Variants in RAB20 observed in about 807,000 individuals in gnomAD.
RAB20 encodes RAB20, member RAS oncogene family.
Under a neutral mutation model 3.7 loss-of-function variants are expected in RAB20, and 2 were observed. The observed-to-expected ratio is 0.54, with a 90% confidence interval of 0.22 to 1.69. RAB20 has a LOEUF of 1.69. RAB20 is among the 40% of genes most tolerant of loss of function. The probability of loss-of-function intolerance (pLI) is 0.19; values close to 1 mark genes in which losing one functional copy is unlikely to be tolerated. For missense variants in RAB20, 276 were observed against 311.9 expected (o/e 0.88, Z 0.87); for synonymous variants, 126 against 130.8 (o/e 0.96, Z 0.25).
intron 1 of RAB20, among the ~76,000 whole-genome samples, chr13:110,546,710 G>GT (rs962925227): frequency 3.5e-5 from 5 of 141,552 alleles, no homozygotes; most frequent in African/African-American, 1.0e-4. Flanking sequence ...GTTTTTTTTT[G>GT]TTTTTTGGGT....
At chr13:110,551,351 C>T (rs1315620164) in intron 1 of RAB20, among the ~76,000 whole-genome samples, 1 of 152,152 alleles carries the variant, frequency 6.6e-6, no homozygotes, top group Admixed American at 6.5e-5. Flanking sequence ...TGGGCATGGC[C>T]AGAGACGCTG....
chr13:110,524,253 A>C (rs1483958116), intron 1 of RAB20, 56 bp from the exon 2 acceptor site: 351 of 1,510,582 alleles, frequency 2.3e-4, no homozygotes, highest in Admixed American at 8.5e-4. Flanking sequence ...GAACATAGCC[A>C]CCAGCCACAC....
Position 110,524,085 on chromosome 13 carries a change from G to T in RAB20, c.285C>A (p.Phe95Leu). The change falls in exon 2 of 2, where the codon TTC becomes TTA. Residue 95 changes from phenylalanine to leucine, a missense_variant. Transcript: ENST00000267328. ...RQSLVELEDR[F>L]LGLTDTASKD... ...TGCTGGCTGTGTCTGTCAGGCCCAG[G>T]AACCGGTCCTCCAGCTCCACCAGGC... 1 of 1,613,716 alleles carries T rather than the reference G, an allele frequency of 6.2e-7. No individual in the cohort carries two copies. The highest frequency in any genetic ancestry group is 8.5e-7 in the Non-Finnish European group (1 of 1,180,030).
chr13:110,560,602 G>A (rs936767171), intron 1 of RAB20, among the ~76,000 whole-genome samples: 8 of 152,112 alleles, frequency 5.3e-5, no homozygotes, highest in Admixed American at 4.6e-4. Context: ...TTTGTAAGGA[G>A]AAGGAAATAT....
chr13:110,543,048 T>C (rs577920709), intron 1 of RAB20, among the ~76,000 whole-genome samples: 1 of 152,346 alleles, frequency 6.6e-6, no homozygotes, highest in Admixed American at 6.5e-5. Flanking sequence ...ATTAGTCATA[T>C]TGAACATTTT....
chr13:110,561,272 G>A, intron 1 of RAB20, 76 bp downstream of exon 1: 1 of 1,448,074 alleles, frequency 6.9e-7, no homozygotes, highest in South Asian at 1.4e-5. Flanking sequence ...GCGGCCGGGT[G>A]CCCTGCTGGA....
rs761987176 is a variant in RAB20 at position 110,524,181 on chromosome 13, G to A, written c.189C>T (p.His63=). Residue 63 remains histidine, a synonymous_variant, in exon 2 of 2, where the codon CAC becomes CAT. Transcript: ENST00000267328. ...CCCGGCAGTACATGGAGCCCAGGCC[G>A]TGGAACTGCTCCCGCCCTGGTGGGA... ...IWDTAGREQF[H]GLGSMYCRGA... 56 of 1,595,492 alleles carry A rather than the reference G, an allele frequency of 3.5e-5. No individual in the cohort carries two copies. The South Asian group carries it at 4.4e-4, about 13-fold the overall frequency.
chr13:110,538,334 G>A (rs954285311), intron 1 of RAB20, among the ~76,000 whole-genome samples: 9 of 151,626 alleles, frequency 5.9e-5, no homozygotes, highest in African/African-American at 1.5e-4. Flanking sequence ...GGCCAGGCAC[G>A]GTGGCTCATG....
chr13:110,528,144 C>T (rs1047584438), intron 1 of RAB20, among the ~76,000 whole-genome samples: 5 of 151,524 alleles, frequency 3.3e-5, no homozygotes, highest in African/African-American at 1.2e-4. Context: ...AGAAAAAGGC[C>T]GGAGACTCAT....
chr13:110,546,271 A>C (rs1884847803), intron 1 of RAB20, among the ~76,000 whole-genome samples: 1 of 152,196 alleles, frequency 6.6e-6, no homozygotes, highest in African/African-American at 2.4e-5. Flanking sequence ...AATAAGGTTT[A>C]TTACTACAGT....
intron 1 of RAB20, 105 bp downstream of exon 1, chr13:110,561,243 C>T (rs1885123666): frequency 2.2e-6 from 3 of 1,369,702 alleles, no homozygotes; most frequent in Admixed American, 3.2e-5. Context: ...ATTTGCTGTC[C>T]GAGGCCGGGA....
chr13:110,552,133 C>T (rs2139588920), intron 1 of RAB20, among the ~76,000 whole-genome samples: 1 of 152,092 alleles, frequency 6.6e-6, no homozygotes, highest in South Asian at 2.1e-4. Context: ...AATCCCAACA[C>T]TTTGGGAGGC....
chr13:110,542,849 G>A lies in RAB20; in HGVS notation c.172+18499C>T, dbSNP rs145394850. 3.8e-4 allele frequency among the ~76,000 whole-genome samples: 58 copies of A among 152,292 alleles called. 1 individual carries two copies. The East Asian group carries it at 0.011, about 28-fold the overall frequency. On this transcript the variant is annotated intron_variant, in intron 1 of 1. Transcript: ENST00000267328. Reference sequence around the variant, plus strand: ...TGGGACTGCTGGATCATTTGTTCTAGTTTTAATTTTTTGAGGAACCATCAT... The same window carrying A: ...TGGGACTGCTGGATCATTTGTTCTAATTTTAATTTTTTGAGGAACCATCAT...
intron 1 of RAB20, among the ~76,000 whole-genome samples, chr13:110,547,698 G>A (rs1393218974): frequency 6.6e-6 from 1 of 152,196 alleles, no homozygotes; most frequent in Non-Finnish European, 1.5e-5. Context: ...TACGGTGCCA[G>A]AGAGGATTAA....
chr13:110,538,623 GAAAAGA>G (rs1884697509), intron 1 of RAB20, among the ~76,000 whole-genome samples: 4 of 62,630 alleles, frequency 6.4e-5, no homozygotes, highest in Admixed American at 1.3e-4. Flanking sequence ...AAAAAAGAAA[GAAAAGA>G]AAAGAAAAGA....
intron 1 of RAB20, among the ~76,000 whole-genome samples, chr13:110,528,413 CA>C (rs11386477): frequency 2.5e-4 from 30 of 122,416 alleles, no homozygotes; most frequent in Middle Eastern, 4.5e-3. Flanking sequence ...AACTCCATCT[CA>C]AAAAAAAAAA....
At chr13:110,529,734 T>C (rs1348161862) in intron 1 of RAB20, among the ~76,000 whole-genome samples, 2 of 152,078 alleles carry the variant, frequency 1.3e-5, no homozygotes, top group Non-Finnish European at 2.9e-5. Flanking sequence ...GGTTCAAGCC[T>C]GAGGAAGGAG....
chr13:110,542,009 G>T (rs1884772243), intron 1 of RAB20, among the ~76,000 whole-genome samples: 1 of 152,154 alleles, frequency 6.6e-6, no homozygotes, highest in African/African-American at 2.4e-5. Flanking sequence ...GGTGCAAACA[G>T]CCTGGGGAAG....
Position 110,561,508 on chromosome 13 carries a change from G to A in RAB20, c.12C>T (p.Pro4=). ...CCCCCAGGAGCACGATCTTGCTGTC[G>A]GGCTTCCTCATCTTCCCGTAAGAAC... is the stretch of plus-strand genomic sequence containing the variant. MRK[P]DSKIVLLGDM... The change falls in exon 1 of 2, where the codon CCC becomes CCT. Residue 4 remains proline (P), a synonymous_variant. Coordinates refer to ENST00000267328, the MANE Select transcript of RAB20 (RefSeq NM_017817.3). 1 of 1,577,802 alleles carries A rather than the reference G, an allele frequency of 6.3e-7. No homozygotes were observed. Among genetic ancestry groups the A allele is most frequent in the Non-Finnish European group, 8.6e-7 (1 of 1,162,456 alleles).
Sources: allele counts gnomAD v4.1 joint callset (sites outside exome capture counted in the v4.1 genomes callset), GRCh38; gene constraint gnomAD v4.1.1; transcripts MANE v1.5; gene names NCBI Gene and HGNC (gene_info 2026-07-23, HGNC 2026-07-21).